The following TCF12 variants were observed in gnomAD, a reference collection of about 807,000 sequenced individuals.
TCF12 encodes DNA-binding protein HTF4.
In TCF12, 45 loss-of-function variants were observed where a neutral mutation model predicts 86.0. That is an observed-to-expected ratio of 0.52 (90% CI 0.41 to 0.67). The LOEUF (loss-of-function observed/expected upper bound fraction) is 0.67. TCF12 is among the 30% of genes least tolerant of loss of function. The probability of loss-of-function intolerance (pLI) is 0.00; values close to 1 mark genes in which losing one functional copy is unlikely to be tolerated. For synonymous variants in TCF12, 330 were observed against 299.6 expected, an observed-to-expected ratio of 1.10 and a Z score of -1.05; for missense variants, 881 against 859.9, an observed-to-expected ratio of 1.02 and a Z score of -0.31.
At chr15:57,278,516 G>T in intron 19 of TCF12, 1 of 147,134 alleles carries the variant, frequency 6.8e-6, no homozygotes, top group East Asian at 2.0e-4. Context: ...ACAGTTATAT[G>T]AGCAAGGGAG....
At chr15:57,233,048 GTA>G (rs1372222564) in intron 11 of TCF12, among the ~76,000 whole-genome samples, 192 bp downstream of exon 11, 2 of 143,174 alleles carry the variant, frequency 1.4e-5, no homozygotes, top group South Asian at 2.2e-4. Flanking sequence ...TGTTATATAT[GTA>G]TATGTGTTAT....
At chr15:57,221,916 G>A (rs561995390) in intron 8 of TCF12, among the ~76,000 whole-genome samples, 2 of 152,130 alleles carry the variant, frequency 1.3e-5, no homozygotes, top group South Asian at 4.1e-4. Flanking sequence ...ATTGGGAAAT[G>A]TCTGCTTGTC....
At chr15:57,194,537 A>G (rs749744026) in intron 7 of TCF12, among the ~76,000 whole-genome samples, 28 of 152,210 alleles carry the variant, frequency 1.8e-4, no homozygotes, top group Admixed American at 6.5e-5. Context: ...CTCAGCGTTT[A>G]AAAGCACTCT....
In TCF12 at chr15:57,289,853, A is replaced by C. The variant is rs1312125834; in HGVS notation, c.*3708A>C. ...TTTTAAATAAATAATATTATAACCA[A>C]CTCCCAGGATGATTCCTCTTCAGCC... On this transcript the variant is annotated 3_prime_UTR_variant, in exon 21 of 21. Transcript: ENST00000333725. 6.6e-6 allele frequency: 1 copy of C among 152,064 alleles called. No homozygotes were observed. The highest frequency in any genetic ancestry group is 1.5e-5 in the Non-Finnish European group (1 of 68,012). 9.4% of individuals were successfully genotyped at this position (152,064 alleles called of 1,614,324 possible).
chr15:57,079,584 AC>A (rs753946771), intron 4 of TCF12, among the ~76,000 whole-genome samples: 3 of 152,180 alleles, frequency 2.0e-5, no homozygotes, highest in Non-Finnish European at 4.4e-5. Flanking sequence ...CACACAAATA[AC>A]CACAAAATCC....
intron 3 of TCF12, among the ~76,000 whole-genome samples, chr15:57,004,233 C>T (rs890985622): frequency 1.4e-5 from 2 of 142,338 alleles, no homozygotes; most frequent in South Asian, 4.6e-4. Flanking sequence ...TCATTTCTTT[C>T]TTTCTTTTTT....
chr15:57,139,750 T>A (rs1327622165), intron 5 of TCF12, among the ~76,000 whole-genome samples: 3 of 152,102 alleles, frequency 2.0e-5, no homozygotes, highest in Non-Finnish European at 4.4e-5. Flanking sequence ...TATTAAAGCA[T>A]TTGCTATGAC....
At chr15:57,061,519 C>G (rs1370048148) in intron 3 of TCF12, among the ~76,000 whole-genome samples, 1 of 152,214 alleles carries the variant, frequency 6.6e-6, no homozygotes, top group Non-Finnish European at 1.5e-5. Flanking sequence ...AGGAGGATCA[C>G]TTGAGCCCAG....
intron 3 of TCF12, among the ~76,000 whole-genome samples, chr15:57,035,973 T>C (rs565049880): frequency 1.3e-4 from 20 of 152,258 alleles, no homozygotes; most frequent in Non-Finnish European, 2.1e-4. Flanking sequence ...GGGATCTAGA[T>C]TGCTCACTCC....
In TCF12 at chr15:57,282,538, G is replaced by A; in HGVS notation, c.2072G>A (p.Gly691Glu). The A allele has an allele frequency of 1.2e-6, 2 of 1,614,222 alleles. No homozygotes were observed. The highest frequency in any genetic ancestry group is 1.7e-6 in the Non-Finnish European group (2 of 1,180,038). The change falls in exon 20 of 21, where the codon GGA (glycine) becomes GAA (glutamate). Residue 691 changes from glycine (G) to glutamate (E), a missense_variant. Around this residue, in one of 3 missense-constraint regions of TCF12, gnomAD observed 69 missense variants for 64.2 expected, o/e 1.07. Transcript: ENST00000333725. Reference sequence around the variant, plus strand: ...GCAGAGCCGCCAACCACACTGCCAGGAACCCATCCTGGGCTTAGTGAAACT... The same window carrying A: ...GCAGAGCCGCCAACCACACTGCCAGAAACCCATCCTGGGCTTAGTGAAACT... ...VSAEPPTTLP[G>E]THPGLSETTN...
intron 4 of TCF12, among the ~76,000 whole-genome samples, chr15:57,085,732 T>C (rs538434086): frequency 6.6e-6 from 1 of 152,216 alleles, no homozygotes; most frequent in Non-Finnish European, 1.5e-5. Flanking sequence ...ATTCTTACTT[T>C]TTTAACTTTC....
chr15:56,995,231 C>CTTTTTTTT (rs557610511), intron 3 of TCF12, among the ~76,000 whole-genome samples: 1,165 of 30,280 alleles, frequency 0.038, 343 homozygotes, highest in Middle Eastern at 0.14. Context: ...ATACCTGCAG[C>CTTTTTTTT]TTTTTTTTTT....
chr15:56,963,956 T>C (rs2140621357), intron 3 of TCF12, among the ~76,000 whole-genome samples: 1 of 152,334 alleles, frequency 6.6e-6, no homozygotes. Context: ...TTTGAAGTGC[T>C]GGGTGTGTTG....
chr15:57,078,996 G>A (rs2070386077), intron 4 of TCF12, among the ~76,000 whole-genome samples: 1 of 152,142 alleles, frequency 6.6e-6, no homozygotes, highest in South Asian at 2.1e-4. Flanking sequence ...GTAAGTATCT[G>A]AAAATTTTAT....
At chr15:57,260,684 C>T (rs1359980323) in intron 16 of TCF12, among the ~76,000 whole-genome samples, 2 of 152,044 alleles carry the variant, frequency 1.3e-5, no homozygotes, top group African/African-American at 4.8e-5. Flanking sequence ...GCCTAATCTT[C>T]CAAGGTTCCA....
At chr15:57,131,465 T>C (rs538684763) in intron 5 of TCF12, among the ~76,000 whole-genome samples, 1 of 152,328 alleles carries the variant, frequency 6.6e-6, no homozygotes, top group South Asian at 2.1e-4. Flanking sequence ...GTTACTCTGT[T>C]TAGAAAGCAA....
chr15:57,166,436 C>G lies in TCF12; in HGVS notation c.360C>G (p.Tyr120Ter). 1 of 1,612,518 alleles carries G rather than the reference C, an allele frequency of 6.2e-7. No homozygotes were observed. The highest frequency in any genetic ancestry group is 8.5e-7 in the Non-Finnish European group (1 of 1,179,394). Reference protein sequence around the residue: ...KTSERGSFSLYSRDTGLPGCQ... With the variant: ...KTSERGSFSL ...CAGAGAGAGGCTCATTTTCCCTGTA[C>G]AGCAGAGATACTGGATTACCAGGCT... Residue 120 changes from tyrosine (Y) to a stop codon, truncating the protein, a stop_gained, in exon 6 of 21, where the codon TAC becomes TAG. Coordinates refer to ENST00000333725, the MANE Select transcript of TCF12 (RefSeq NM_207037.2). LOFTEE classifies it high-confidence loss of function.
At chr15:57,273,764 CT>C (rs2061255813) in intron 19 of TCF12, among the ~76,000 whole-genome samples, 1 of 152,152 alleles carries the variant, frequency 6.6e-6, no homozygotes, top group South Asian at 2.1e-4. Flanking sequence ...CTCAGGGCTT[CT>C]TTGTTGACCC....
intron 3 of TCF12, among the ~76,000 whole-genome samples, chr15:57,041,359 T>C (rs1353733873): frequency 1.3e-5 from 2 of 152,242 alleles, no homozygotes; most frequent in East Asian, 3.8e-4. Flanking sequence ...TTCTCTTATT[T>C]ATTTTTTATG....
Sources: allele counts gnomAD v4.1 joint callset (sites outside exome capture counted in the v4.1 genomes callset), GRCh38; gene constraint gnomAD v4.1.1; regional missense constraint gnomAD v4.1.1; transcripts MANE v1.5; gene names NCBI Gene and HGNC (gene_info 2026-07-23, HGNC 2026-07-21).